Variants in SP100 observed in about 807,000 individuals in gnomAD.
SP100 encodes the protein nuclear autoantigen Sp-100.
A neutral mutation model predicts 130.0 loss-of-function variants in SP100; 84 were observed. The ratio of observed to expected loss-of-function variants is 0.65; its 90% CI spans 0.54 to 0.77. The LOEUF (loss-of-function observed/expected upper bound fraction) is 0.77. Ranked by LOEUF, SP100 falls within the 30% of genes least tolerant of loss-of-function variation. SP100 has a pLI of 0.00. For missense variants in SP100, 978 were observed against 1,052.2 expected (o/e 0.93, Z 0.97); for synonymous variants, 331 against 351.7 (o/e 0.94, Z 0.66).
chr2:230,440,659 A>T (rs2149896784), intron 2 of SP100: 1 of 1,130,958 alleles, frequency 8.8e-7, no homozygotes. Context: ...TCCAAAAAAA[A>T]GTCCTAAAGT....
chr2:230,444,668 G>A (rs550209992), intron 4 of SP100, among the ~76,000 whole-genome samples: 1 of 152,208 alleles, frequency 6.6e-6, no homozygotes, highest in Admixed American at 6.5e-5. Context: ...CCTTGCAGTG[G>A]TCTACATAGC....
At chr2:230,440,427 AATTT>A (rs1386194695) in intron 2 of SP100, 1 of 629,032 alleles carries the variant, frequency 1.6e-6, no homozygotes, top group Non-Finnish European at 2.2e-6. Context: ...ACTAGGAATA[AATTT>A]ATTATTTTTT....
chr2:230,508,184 A>G (rs1275784714), intron 23 of SP100, 153 bp downstream of exon 23: 3 of 1,315,102 alleles, frequency 2.3e-6, no homozygotes, highest in South Asian at 3.2e-5. Context: ...ACATTATTCA[A>G]TGTATAAGTC....
chr2:230,452,248 G>A (rs1425775103), intron 8 of SP100, among the ~76,000 whole-genome samples: 28 of 151,596 alleles, frequency 1.8e-4, no homozygotes, highest in Admixed American at 1.8e-3. Context: ...TGCAATCTCA[G>A]CTCACTGCAA....
At position 230,541,489 on chromosome 2, in the gene SP100, C is replaced by T. The variant is rs1040079303; in HGVS notation, c.2403+117C>T. The T allele has an allele frequency of 1.6e-5, 13 of 818,428 alleles. No homozygotes were observed. In the African/African-American group the frequency reaches 2.2e-4, roughly 14 times the overall value. 50.7% of individuals were successfully genotyped at this position (818,428 alleles called of 1,614,324 possible). On this transcript the variant is annotated intron_variant, in intron 27 of 28. Coordinates refer to ENST00000340126, the MANE Select transcript of SP100 (RefSeq NM_001080391.2). Reference sequence around the variant, plus strand: ...GTTGATGAGTTTTTAGTTCAGGCTACTATAGAAATTTATCATAGATTAGGT... The same window carrying T: ...GTTGATGAGTTTTTAGTTCAGGCTATTATAGAAATTTATCATAGATTAGGT...
rs2062946542 is a variant in SP100, at chr2:230,426,816, GATTGATCTATGATT to G, written c.107+9157_107+9170del. Among the ~76,000 whole-genome samples the G allele has an allele frequency of 2.6e-5, 4 of 152,138 alleles. No individual in the cohort carries two copies. In the South Asian group the frequency reaches 8.3e-4, roughly 32 times the overall value. ...AATGTTTCCTTATATTTTTCTGTCTGATTGATCTATGATTATTGACAGTGGAGTATTACAGTCTC... is the reference window on the plus strand; with the variant it reads ...AATGTTTCCTTATATTTTTCTGTCTGATTGACAGTGGAGTATTACAGTCTC... On this transcript the variant is annotated intron_variant, in intron 2 of 28. Coordinates refer to ENST00000340126, the MANE Select transcript of SP100 (RefSeq NM_001080391.2).
At chr2:230,523,958 G>A (rs1016074314) in intron 24 of SP100, among the ~76,000 whole-genome samples, 1 of 151,658 alleles carries the variant, frequency 6.6e-6, no homozygotes, top group South Asian at 2.1e-4. Flanking sequence ...CTTTAGAATT[G>A]TCAGCATATA....
intron 4 of SP100, 62 bp downstream of exon 4, chr2:230,444,408 C>A: frequency 7.6e-7 from 1 of 1,320,686 alleles, no homozygotes. Flanking sequence ...TAAGTATATA[C>A]TGATCTCCTA....
intron 24 of SP100, among the ~76,000 whole-genome samples, chr2:230,518,109 C>T (rs116806641): frequency 0.01 from 1,253 of 121,020 alleles, 17 homozygotes; most frequent in African/African-American, 0.033. Context: ...GAACAAAAAA[C>T]TTACAAGACT....
intron 17 of SP100, among the ~76,000 whole-genome samples, chr2:230,476,889 G>A (rs191668916): frequency 8.2e-4 from 124 of 152,036 alleles, no homozygotes; most frequent in Non-Finnish European, 1.4e-3. Flanking sequence ...TATTTTTGAC[G>A]GAGTCTTGCA....
chr2:230,542,137 A>G (rs1364079718), intron 28 of SP100, 102 bp downstream of exon 28: 2 of 1,215,094 alleles, frequency 1.6e-6, no homozygotes, highest in African/African-American at 3.0e-5. Flanking sequence ...AATCGCCCTT[A>G]TCATATGACA....
chr2:230,512,886 T>C (rs1690700424), intron 24 of SP100, among the ~76,000 whole-genome samples: 1 of 152,190 alleles, frequency 6.6e-6, no homozygotes. Context: ...AGACAGATCA[T>C]GAGGCATTAG....
intron 14 of SP100, chr2:230,469,535 T>G: frequency 2.2e-6 from 1 of 460,254 alleles, no homozygotes; most frequent in East Asian, 6.9e-5. Flanking sequence ...GATTGAACAT[T>G]ATGTATGTTC....
At chr2:230,524,716 T>C (rs1432583172) in intron 24 of SP100, among the ~76,000 whole-genome samples, 2 of 152,214 alleles carry the variant, frequency 1.3e-5, no homozygotes, top group Admixed American at 6.5e-5. Flanking sequence ...TAATTTCCAA[T>C]TAAGAAAAGG....
rs770148541 is a variant in SP100, at chr2:230,541,932, T to G, written c.2444T>G (p.Leu815Ter). The change falls in exon 28 of 29, where the codon TTA (leucine) becomes TGA (stop). Residue 815 changes from leucine to a stop codon, truncating the protein, a stop_gained. Coordinates refer to ENST00000340126, the MANE Select transcript of SP100 (RefSeq NM_001080391.2). LOFTEE classifies it high-confidence loss of function. ...GSQGPQKPMW[L>*]NKVKTSLNEQ... is the part of the protein sequence containing the mutation. ...CAGGGCCCACAGAAGCCCATGTGGT[T>G]AAACAAAGTCAAGACAAGTTTGAAT... is the stretch of plus-strand genomic sequence containing the variant. The G allele has an allele frequency of 6.2e-7, 1 of 1,614,124 alleles. No homozygotes were observed. Among genetic ancestry groups the G allele is most frequent in the Non-Finnish European group, 8.5e-7 (1 of 1,179,964 alleles).
chr2:230,528,322 A>T, intron 24 of SP100, among the ~76,000 whole-genome samples: 1 of 152,234 alleles, frequency 6.6e-6, no homozygotes, highest in East Asian at 1.9e-4. Context: ...CTGCTCTTGA[A>T]TGAGTATGGG....
intron 17 of SP100, among the ~76,000 whole-genome samples, chr2:230,477,164 C>T: frequency 6.6e-6 from 1 of 151,968 alleles, no homozygotes; most frequent in East Asian, 1.9e-4. Context: ...CACGCCCGGC[C>T]CTCTCAGTGT....
At chr2:230,508,718 A>G (rs951450146) in intron 23 of SP100, 1 of 152,116 alleles carries the variant, frequency 6.6e-6, no homozygotes, top group Middle Eastern at 3.4e-3. Flanking sequence ...CAACATAAAC[A>G]CTGGTTGTTT....
intron 24 of SP100, among the ~76,000 whole-genome samples, chr2:230,532,940 C>T (rs1022024848): frequency 1.3e-5 from 2 of 152,274 alleles, no homozygotes; most frequent in East Asian, 1.9e-4. Flanking sequence ...ACCACCACGC[C>T]TGGCTAATTT....
Sources: allele counts gnomAD v4.1 joint callset (sites outside exome capture counted in the v4.1 genomes callset), GRCh38; gene constraint gnomAD v4.1.1; transcripts MANE v1.5; gene names NCBI Gene and HGNC (gene_info 2026-07-23, HGNC 2026-07-21).